The following DOCK3 variants were observed in gnomAD, a reference collection of about 807,000 sequenced individuals.
The protein encoded by DOCK3 is dedicator of cytokinesis 3, also known as dedicator of cytokinesis protein 3.
Under a neutral mutation model 265.6 loss-of-function variants are expected in DOCK3, and 60 were observed. The ratio of observed to expected loss-of-function variants is 0.23; its 90% CI spans 0.18 to 0.28. The LOEUF (loss-of-function observed/expected upper bound fraction) is 0.28, where lower values mean the gene tolerates loss of function less well. Ranked by LOEUF, DOCK3 falls within the 10% of genes least tolerant of loss-of-function variation. The probability of loss-of-function intolerance (pLI) is 1.00; values close to 1 mark genes in which losing one functional copy is unlikely to be tolerated. For missense variants in DOCK3, 1,981 were observed against 2,594.3 expected (o/e 0.76, Z 5.14); for synonymous variants, 881 against 938.0 (o/e 0.94, Z 1.11).
chr3:50,716,125 T>C (rs972083049), intron 1 of DOCK3, among the ~76,000 whole-genome samples: 1 of 152,096 alleles, frequency 6.6e-6, no homozygotes, highest in Non-Finnish European at 1.5e-5. Flanking sequence ...TCAATGCCTC[T>C]TTCAAAATGA....
At chr3:51,291,411 TAGA>T (rs2081765069) in intron 27 of DOCK3, among the ~76,000 whole-genome samples, 1 of 152,108 alleles carries the variant, frequency 6.6e-6, no homozygotes, top group South Asian at 2.1e-4. Flanking sequence ...AGAAATGAAA[TAGA>T]AGACGTTACA....
At chr3:51,009,302 A>G (rs530588755) in intron 5 of DOCK3, among the ~76,000 whole-genome samples, 1 of 152,154 alleles carries the variant, frequency 6.6e-6, no homozygotes, top group East Asian at 1.9e-4. Flanking sequence ...AGAGCCTGTT[A>G]TTGGTCTATT....
intron 21 of DOCK3, 78 bp from the exon 22 acceptor site, chr3:51,246,648 T>C: frequency 1.5e-6 from 2 of 1,335,572 alleles, no homozygotes; most frequent in Non-Finnish European, 2.1e-6. Context: ...CCTATTTGCC[T>C]AATTCAGGGC....
At chr3:50,698,098 G>A (rs2035750411) in intron 1 of DOCK3, among the ~76,000 whole-genome samples, 1 of 151,964 alleles carries the variant, frequency 6.6e-6, no homozygotes, top group Non-Finnish European at 1.5e-5. Context: ...TTGTAGAGTT[G>A]TGCCTCCATC....
At chr3:50,934,707 C>T (rs1375252918) in intron 5 of DOCK3, among the ~76,000 whole-genome samples, 2 of 150,776 alleles carry the variant, frequency 1.3e-5, no homozygotes, top group African/African-American at 4.9e-5. Flanking sequence ...GTCCTAGCTA[C>T]TTGGGAGGCT....
intron 27 of DOCK3, among the ~76,000 whole-genome samples, chr3:51,294,677 CAAAAAAAAAAAAA>C (rs59339067): frequency 0.8 from 95,631 of 119,882 alleles, 37,589 homozygotes; most frequent in Middle Eastern, 0.87. Flanking sequence ...GACTCTATCT[CAAAAAAAAAAAAA>C]AAAAAAAAAA....
At chr3:51,183,711 A>G (rs1264490081) in intron 12 of DOCK3, among the ~76,000 whole-genome samples, 1 of 152,202 alleles carries the variant, frequency 6.6e-6, no homozygotes, top group Non-Finnish European at 1.5e-5. Flanking sequence ...AACACGAAGG[A>G]GCAGTTTATA....
chr3:51,260,793 G>A (rs1327290326), intron 23 of DOCK3, among the ~76,000 whole-genome samples: 1 of 152,064 alleles, frequency 6.6e-6, no homozygotes, highest in African/African-American at 2.4e-5. Flanking sequence ...ACCAGCCTGG[G>A]CAACATGATG....
At position 50,886,208 on chromosome 3, in the gene DOCK3, A is replaced by ATATATATATATATATATATG. The variant is rs1399056611; in HGVS notation, c.163-3817_163-3816insATATATATATATATATATGT. On this transcript the variant is annotated intron_variant, in intron 3 of 52. Coordinates refer to ENST00000266037, the MANE Select transcript of DOCK3 (RefSeq NM_004947.5). ...TGGAGATATATATATATATATATAT[A>ATATATATATATATATATATG]TTCCAGAGTTTTTAGGTATGCACTA... Among the ~76,000 whole-genome samples, 83 of 136,908 alleles carry ATATATATATATATATATATG rather than the reference A, an allele frequency of 6.1e-4. 2 individuals are homozygous for ATATATATATATATATATATG. Among genetic ancestry groups the ATATATATATATATATATATG allele is most frequent in the East Asian group, 1.4e-3 (7 of 4,878 alleles). The allele number at this position is 136,908 out of a possible 152,430, so 89.8% of individuals were successfully genotyped here.
chr3:50,895,260 T>A (rs1374080718), intron 4 of DOCK3, among the ~76,000 whole-genome samples: 1 of 151,586 alleles, frequency 6.6e-6, no homozygotes, highest in Non-Finnish European at 1.5e-5. Context: ...TCAACTTTAA[T>A]TTTAACTTCC....
intron 32 of DOCK3, among the ~76,000 whole-genome samples, chr3:51,321,050 G>T (rs2083693646): frequency 1.3e-5 from 2 of 152,162 alleles, no homozygotes; most frequent in East Asian, 1.9e-4. Context: ...TCTCAGTAGG[G>T]GCCAACAGAT....
At chr3:51,010,578 G>A (rs2078904954) in intron 5 of DOCK3, among the ~76,000 whole-genome samples, 1 of 152,064 alleles carries the variant, frequency 6.6e-6, no homozygotes. Context: ...TATCCAAGTT[G>A]CCAGTCTGTG....
chr3:51,023,199 G>A (rs1389800973), intron 5 of DOCK3, among the ~76,000 whole-genome samples: 2 of 151,164 alleles, frequency 1.3e-5, no homozygotes, highest in Non-Finnish European at 2.9e-5. Flanking sequence ...TCTTAGGTTT[G>A]GCCATTTTAT....
intron 22 of DOCK3, among the ~76,000 whole-genome samples, chr3:51,250,025 G>C (rs1248631158): frequency 3.3e-5 from 5 of 151,870 alleles, no homozygotes; most frequent in Admixed American, 3.3e-4. Flanking sequence ...GAGTTAAATG[G>C]ATTAAGGGCG....
chr3:51,350,504 A>T, intron 40 of DOCK3, 112 bp downstream of exon 40: 1 of 1,155,054 alleles, frequency 8.7e-7, no homozygotes, highest in Non-Finnish European at 1.2e-6. Flanking sequence ...TTCTTTACAG[A>T]GGATAAACCA....
chr3:50,868,543 T>C (rs2047259814), intron 3 of DOCK3, among the ~76,000 whole-genome samples: 1 of 152,070 alleles, frequency 6.6e-6, no homozygotes, highest in South Asian at 2.1e-4. Context: ...CCGGCTAATT[T>C]TTGTATATTT....
intron 10 of DOCK3, among the ~76,000 whole-genome samples, chr3:51,148,313 G>A (rs2085399362): frequency 1.3e-5 from 2 of 152,210 alleles, no homozygotes; most frequent in African/African-American, 4.8e-5. Flanking sequence ...TCTGATGGCA[G>A]TTTCTTTTGC....
chr3:50,768,575 A>G (rs1340094141), intron 1 of DOCK3, among the ~76,000 whole-genome samples: 1 of 152,230 alleles, frequency 6.6e-6, no homozygotes, highest in Non-Finnish European at 1.5e-5. Flanking sequence ...CAAAAACCAC[A>G]TGATTATCTC....
chr3:50,978,020 T>C (rs2077531732), intron 5 of DOCK3, among the ~76,000 whole-genome samples: 1 of 152,160 alleles, frequency 6.6e-6, no homozygotes, highest in Non-Finnish European at 1.5e-5. Flanking sequence ...CTTCTCTGTA[T>C]TGGTTATTCT....
Sources: gnomAD v4.1 joint callset for allele counts (sites outside exome capture counted in the v4.1 genomes callset) on GRCh38, gnomAD v4.1.1 for gene constraint, MANE v1.5 for transcripts, NCBI Gene and HGNC (gene_info 2026-07-23, HGNC 2026-07-21) for gene names.